The following EAF2 variants were observed in gnomAD, a reference collection of about 807,000 sequenced individuals.
EAF2 encodes ELL-associated factor 2.
Under a neutral mutation model 29.4 loss-of-function variants are expected in EAF2, and 29 were observed. That is an observed-to-expected ratio of 0.99 (90% CI 0.73 to 1.35). The LOEUF (loss-of-function observed/expected upper bound fraction) is 1.35, where lower values mean the gene tolerates loss of function less well. Ranked by LOEUF, EAF2 falls within the 40% of genes most tolerant of loss-of-function variation. The pLI is 0.00. For synonymous variants in EAF2, 103 were observed against 102.5 expected (o/e 1.00, Z -0.03); for missense variants, 292 against 312.0 (o/e 0.94, Z 0.48).
chr3:121,867,698 A>G (rs1205001330), intron 4 of EAF2, among the ~76,000 whole-genome samples: 1 of 152,238 alleles, frequency 6.6e-6, no homozygotes, highest in Non-Finnish European at 1.5e-5. Flanking sequence ...AGTATCAGGA[A>G]GAGAGAAACA....
At chr3:121,867,296 C>T (rs1559826617) in intron 4 of EAF2, among the ~76,000 whole-genome samples, 1 of 151,990 alleles carries the variant, frequency 6.6e-6, no homozygotes, top group Non-Finnish European at 1.5e-5. Flanking sequence ...TGTAAAAACC[C>T]GAACAAGCCC....
At chr3:121,876,124 A>G (rs1369558005) in intron 5 of EAF2, among the ~76,000 whole-genome samples, 1 of 151,944 alleles carries the variant, frequency 6.6e-6, no homozygotes, top group Non-Finnish European at 1.5e-5. Context: ...TGATAGTGAA[A>G]CTACACAACA....
chr3:121,867,934 G>A lies in EAF2; in HGVS notation c.485-4603G>A, dbSNP rs142259492. 3.1e-4 allele frequency among the ~76,000 whole-genome samples: 47 copies of A among 152,186 alleles called. No homozygotes were observed. The East Asian group carries it at 9.1e-3, about 29-fold the overall frequency. The stretch of plus-strand genomic sequence containing the variant: ...AACCACTAAGAAAAATAAACAAAAT[G>A]ACACCTTTTAAAACTTTATAAATTA... On this transcript the variant is annotated intron_variant, in intron 4 of 5. Coordinates refer to ENST00000273668, the MANE Select transcript of EAF2 (RefSeq NM_018456.6).
At chr3:121,878,957 C>T (rs1709147314) in intron 5 of EAF2, among the ~76,000 whole-genome samples, 3 of 152,096 alleles carry the variant, frequency 2.0e-5, no homozygotes, top group Admixed American at 2.0e-4. Flanking sequence ...TTTGAGGACC[C>T]TCCATACTGT....
Position 121,848,543 on chromosome 3 carries a change from T to A in EAF2, c.201+3996T>A, listed in dbSNP as rs1449206014. Among the ~76,000 whole-genome samples, 7 of 151,994 alleles carry A rather than the reference T, an allele frequency of 4.6e-5. No homozygotes were observed. The East Asian group carries it at 1.3e-3, about 29-fold the overall frequency. On this transcript the variant is annotated intron_variant, in intron 2 of 5. Coordinates refer to ENST00000273668, the MANE Select transcript of EAF2 (RefSeq NM_018456.6). ...TTTATCTAGAGGCGTGTTGCCATTTTTGTCTTCTATGAAATTTTTGTCCCA... is the reference window on the plus strand; with the variant it reads ...TTTATCTAGAGGCGTGTTGCCATTTATGTCTTCTATGAAATTTTTGTCCCA...
chr3:121,847,507 G>A (rs960202623), intron 2 of EAF2, among the ~76,000 whole-genome samples: 2 of 152,170 alleles, frequency 1.3e-5, no homozygotes, highest in Admixed American at 6.5e-5. Flanking sequence ...CATATATATA[G>A]GCTAGGTCAA....
At chr3:121,842,734 A>AT (rs1297649091) in intron 1 of EAF2, among the ~76,000 whole-genome samples, 3 of 152,022 alleles carry the variant, frequency 2.0e-5, no homozygotes, top group Admixed American at 1.3e-4. Context: ...TTCAGTTCTG[A>AT]TTTTTTTCTC....
intron 2 of EAF2, among the ~76,000 whole-genome samples, chr3:121,853,712 CT>C (rs1708671252): frequency 6.6e-6 from 1 of 152,274 alleles, no homozygotes; most frequent in Middle Eastern, 3.4e-3. Context: ...ACTTGTTCCT[CT>C]ATTCCTTCTA....
intron 1 of EAF2, among the ~76,000 whole-genome samples, chr3:121,840,155 C>T (rs1708384468): frequency 7.1e-6 from 1 of 141,254 alleles, no homozygotes; most frequent in Non-Finnish European, 1.5e-5. Context: ...GCGCCGCTGC[C>T]TCCAGCCTGG....
chr3:121,865,913 C>T (rs1231868578), intron 4 of EAF2, among the ~76,000 whole-genome samples: 2 of 152,122 alleles, frequency 1.3e-5, no homozygotes, highest in African/African-American at 2.4e-5. Context: ...AGACTGTTTA[C>T]ACCACTCTAC....
At chr3:121,839,803 A>G (rs183326560) in intron 1 of EAF2, among the ~76,000 whole-genome samples, 35 of 152,376 alleles carry the variant, frequency 2.3e-4, no homozygotes, top group African/African-American at 8.4e-4. Context: ...TGTATCCATT[A>G]CATTAAAAGC....
intron 2 of EAF2, among the ~76,000 whole-genome samples, chr3:121,851,533 A>G (rs943198471): frequency 6.6e-5 from 10 of 152,184 alleles, no homozygotes; most frequent in African/African-American, 2.2e-4. Flanking sequence ...ATCCTAAGTC[A>G]GTCATTCATG....
At chr3:121,854,188 T>C (rs926514293) in intron 2 of EAF2, among the ~76,000 whole-genome samples, 7 of 151,808 alleles carry the variant, frequency 4.6e-5, no homozygotes, top group African/African-American at 7.3e-5. Context: ...TGGTTGTCCA[T>C]GCCTATAGTC....
Position 121,873,049 on chromosome 3 carries a change from G to A in EAF2, c.736+261G>A, listed in dbSNP as rs1382885076. ...GATCCTCTGCTCAGTCATTAAAGTT[G>A]GAGTTTCTCAAGGCTTACTTTTGGG... is the stretch of plus-strand genomic sequence containing the variant. On this transcript the variant is annotated intron_variant, in intron 5 of 5. Transcript: ENST00000273668. 6 of 712,970 alleles carry A rather than the reference G, an allele frequency of 8.4e-6. No homozygotes were observed. The East Asian group carries it at 1.6e-4, about 19-fold the overall frequency. The allele number at this position is 712,970 out of a possible 1,614,324, so 44.2% of individuals were successfully genotyped here.
chr3:121,859,639 T>A (rs1198017040), intron 4 of EAF2, among the ~76,000 whole-genome samples: 1 of 152,178 alleles, frequency 6.6e-6, no homozygotes, highest in African/African-American at 2.4e-5. Flanking sequence ...GACTTCCTCT[T>A]TTCCCAATTG....
Position 121,857,062 on chromosome 3 carries a change from A to T in EAF2, c.390A>T (p.Gln130His). The change falls in exon 4 of 6, where the codon CAA (glutamine) becomes CAT (histidine). Residue 130 changes from glutamine (Q) to histidine (H), a missense_variant. Coordinates refer to ENST00000273668, the MANE Select transcript of EAF2 (RefSeq NM_018456.6). ...IQYRKEQQQQ[Q>H]MWNSARTPNL... ...ATCGTAAAGAACAACAGCAACAACA[A>T]ATGTGGAATTCAGCCAGGACTCCCA... The T allele has an allele frequency of 6.2e-7, 1 of 1,613,986 alleles. No homozygotes were observed. The highest frequency in any genetic ancestry group is 8.5e-7 in the Non-Finnish European group (1 of 1,179,904).
chr3:121,856,192 G>T (rs1708713396), intron 3 of EAF2, among the ~76,000 whole-genome samples: 1 of 152,130 alleles, frequency 6.6e-6, no homozygotes, highest in South Asian at 2.1e-4. Context: ...AACTTTAGAA[G>T]TGATTTAGTT....
chr3:121,856,045 T>A (rs1708711008), intron 3 of EAF2, among the ~76,000 whole-genome samples: 1 of 152,158 alleles, frequency 6.6e-6, no homozygotes, highest in African/African-American at 2.4e-5. Flanking sequence ...AAGGAAGAAC[T>A]GACAGGATTT....
At chr3:121,860,209 C>T (rs895957752) in intron 4 of EAF2, among the ~76,000 whole-genome samples, 5 of 152,202 alleles carry the variant, frequency 3.3e-5, no homozygotes, top group African/African-American at 1.2e-4. Context: ...AGGATTCCCT[C>T]TTTTTCTATC....
Sources: gnomAD v4.1 joint callset for allele counts (sites outside exome capture counted in the v4.1 genomes callset) on GRCh38, gnomAD v4.1.1 for gene constraint, MANE v1.5 for transcripts, NCBI Gene and HGNC (gene_info 2026-07-23, HGNC 2026-07-21) for gene names.